The following IRGM variants were observed in gnomAD, a reference collection of about 807,000 sequenced individuals.
IRGM encodes immunity-related GTPase family M protein.
For synonymous variants in IRGM, 98 were observed against 80.6 expected, an observed-to-expected ratio of 1.22 and a Z score of -1.16; for missense variants, 288 against 219.9, an observed-to-expected ratio of 1.31 and a Z score of -1.96.
downstream of IRGM, among the ~76,000 whole-genome samples, chr5:150,850,809 G>A (rs1265197730): frequency 3.3e-5 from 5 of 152,118 alleles, no homozygotes; most frequent in East Asian, 3.9e-4. Flanking sequence ...TAGTGAGAGC[G>A]AGCCATGAGT....
At chr5:150,902,115 GTCTC>G (rs1200698019), downstream of IRGM, among the ~76,000 whole-genome samples, 4 of 152,178 alleles carry the variant, frequency 2.6e-5, no homozygotes, top group East Asian at 5.8e-4. Flanking sequence ...AAGTTAAAAG[GTCTC>G]TCTGTTTTAA....
At chr5:150,898,023 C>CCAAT in intron 3 of IRGM, 1 of 1,594,244 alleles carries the variant, frequency 6.3e-7, no homozygotes, top group Non-Finnish European at 8.5e-7. Flanking sequence ...ACCTCAGGCA[C>CCAAT]CAATCAATTA....
At chr5:150,875,994 A>G (rs1175155462) in intron 1 of IRGM, among the ~76,000 whole-genome samples, 1 of 152,152 alleles carries the variant, frequency 6.6e-6, no homozygotes. Context: ...CTTATCCACC[A>G]TCCACCATCA....
At chr5:150,877,208 A>T (rs1175539117) in intron 1 of IRGM, among the ~76,000 whole-genome samples, 1 of 152,154 alleles carries the variant, frequency 6.6e-6, no homozygotes, top group African/African-American at 2.4e-5. Context: ...AAGGATGCAG[A>T]GTATTGTTCC....
intron 1 of IRGM, among the ~76,000 whole-genome samples, chr5:150,870,157 G>A (rs1205802288): frequency 2.0e-5 from 3 of 152,112 alleles, no homozygotes; most frequent in Non-Finnish European, 2.9e-5. Flanking sequence ...TTCAGACCGT[G>A]AATTTTAAAT....
intron 1 of IRGM, among the ~76,000 whole-genome samples, chr5:150,856,392 C>G (rs1754049538): frequency 6.6e-6 from 1 of 152,088 alleles, no homozygotes; most frequent in African/African-American, 2.4e-5. Context: ...GATCGCACCA[C>G]TGCACTCCAG....
intron 3 of IRGM, chr5:150,896,952 T>C: frequency 3.1e-6 from 5 of 1,610,892 alleles, no homozygotes; most frequent in Non-Finnish European, 4.2e-6. Flanking sequence ...TGACTGGGAG[T>C]TGTGAAGGTT....
At chr5:150,885,524 AATG>A (rs1304956786) in intron 3 of IRGM, among the ~76,000 whole-genome samples, 1 of 152,022 alleles carries the variant, frequency 6.6e-6, no homozygotes, top group Non-Finnish European at 1.5e-5. Context: ...CGCCCATTTT[AATG>A]ATATTATTTT....
intron 3 of IRGM, among the ~76,000 whole-genome samples, chr5:150,890,826 C>A (rs1286189161): frequency 1.3e-5 from 2 of 152,020 alleles, no homozygotes; most frequent in Non-Finnish European, 2.9e-5. Flanking sequence ...ATTAGAATCA[C>A]ATGAGAATGA....
rs1234599021 is a variant in IRGM at position 150,848,606 on chromosome 5, G to C, written c.483G>C (p.Gln161His). The change falls in exon 2 of 2, where the codon CAG (glutamine) becomes CAC (histidine). Residue 161 changes from glutamine (Q) to histidine (H), a missense_variant. Transcript: ENST00000522154. ...DLSTGALPEV[Q>H]LLQIRENVLE... ...GCACAGGTGCCCTCCCAGAAGTGCA[G>C]CTACTGCAGATCAGAGAAAATGTCC... 6.4e-7 allele frequency: 1 copy of C among 1,551,008 alleles called. No individual in the cohort carries two copies. The highest frequency in any genetic ancestry group is 8.7e-7 in the Non-Finnish European group (1 of 1,146,284).
intron 3 of IRGM, among the ~76,000 whole-genome samples, chr5:150,885,058 T>C (rs1418396406): frequency 6.6e-6 from 1 of 152,190 alleles, no homozygotes; most frequent in Non-Finnish European, 1.5e-5. Flanking sequence ...GGTTTAACAT[T>C]TCAGTCTTTA....
rs34123150 is a variant in IRGM, at chr5:150,892,209, G to GTT, written c.*141-8370_*141-8369dup. ...TGGTGACATTAAGTGTTTTTATGGAGTTTTTTTTTTTCAATATTGAAGTTT... is the reference window on the plus strand; with the variant it reads ...TGGTGACATTAAGTGTTTTTATGGAGTTTTTTTTTTTTTCAATATTGAAGTTT... On this transcript the variant is annotated intron_variant and NMD_transcript_variant, in intron 3 of 3. Coordinates refer to the IRGM transcript ENST00000520549. 1.6e-4 allele frequency among the ~76,000 whole-genome samples: 24 copies of GTT among 147,054 alleles called. No individual in the cohort carries two copies. The South Asian group carries it at 4.1e-3, about 25-fold the overall frequency.
chr5:150,868,122 T>G (rs921009584), intron 1 of IRGM, among the ~76,000 whole-genome samples: 2 of 152,220 alleles, frequency 1.3e-5, no homozygotes, highest in Non-Finnish European at 2.9e-5. Flanking sequence ...ACTTAAGTCT[T>G]TGATCCATCT....
intron 1 of IRGM, among the ~76,000 whole-genome samples, chr5:150,867,749 T>A (rs903499790): frequency 1.3e-5 from 2 of 152,128 alleles, no homozygotes; most frequent in Non-Finnish European, 2.9e-5. Flanking sequence ...GAGCATTTTT[T>A]AATGTTTCTT....
intron 3 of IRGM, among the ~76,000 whole-genome samples, chr5:150,883,255 A>G (rs1205325098): frequency 1.3e-5 from 2 of 152,066 alleles, no homozygotes; most frequent in African/African-American, 2.4e-5. Flanking sequence ...CACTAATGAA[A>G]AAGCAGTTCT....
intron 3 of IRGM, among the ~76,000 whole-genome samples, chr5:150,889,692 A>AGTGTT (rs1754578931): frequency 6.6e-6 from 1 of 152,044 alleles, no homozygotes; most frequent in Non-Finnish European, 1.5e-5. Context: ...GTCTTTCACT[A>AGTGTT]TATGATATTA....
chr5:150,861,561 C>T (rs1043272603), intron 1 of IRGM, among the ~76,000 whole-genome samples: 2 of 152,116 alleles, frequency 1.3e-5, no homozygotes, highest in African/African-American at 2.4e-5. Context: ...TTTTCTCTTT[C>T]CAAATGGGCA....
At chr5:150,896,074 C>A in intron 3 of IRGM, 3 of 1,613,460 alleles carry the variant, frequency 1.9e-6, no homozygotes, top group East Asian at 2.2e-5. Flanking sequence ...TGGGAAAAGG[C>A]CTTCCCACAC....
Position 150,847,809 on chromosome 5 carries a change from T to TTTTGGTTGTTTG in IRGM, c.-311_-310insGTTGTTTGTTTG. The TTTTGGTTGTTTG allele has an allele frequency of 3.6e-6, 1 of 276,726 alleles. No individual in the cohort carries two copies. The highest frequency in any genetic ancestry group is 8.6e-5 in the East Asian group (1 of 11,668). 17.1% of individuals were successfully genotyped at this position (276,726 alleles called of 1,614,324 possible). On this transcript the variant is annotated 5_prime_UTR_variant, in exon 2 of 2. Coordinates refer to ENST00000522154, the MANE Select transcript of IRGM (RefSeq NM_001145805.2). ...TTTTTGCCACACCATAAGCATTGGGTTTTGTTTGTTTTGAGATGGAGTCTT... is the reference window on the plus strand; with the variant it reads ...TTTTTGCCACACCATAAGCATTGGGTTTTGGTTGTTTGTTTGTTTGTTTTGAGATGGAGTCTT...
Sources: allele counts gnomAD v4.1 joint callset (sites outside exome capture counted in the v4.1 genomes callset), GRCh38; gene constraint gnomAD v4.1.1; transcripts MANE v1.5; gene names NCBI Gene and HGNC (gene_info 2026-07-23, HGNC 2026-07-21).